Variants in N4BP2L2 observed in about 807,000 individuals in gnomAD.
The protein encoded by N4BP2L2 is NEDD4-binding protein 2-like 2.
N4BP2L2 carries 50 observed loss-of-function variants against 56.2 expected under a neutral mutation model. The observed-to-expected ratio is 0.89, with a 90% CI of 0.71 to 1.13. N4BP2L2 has a LOEUF of 1.13. Ranked by LOEUF, N4BP2L2 falls within the 50% of genes most tolerant of loss-of-function variation. The probability of loss-of-function intolerance (pLI) is 0.00; values close to 1 mark genes in which losing one functional copy is unlikely to be tolerated. For synonymous variants in N4BP2L2, 203 were observed against 223.6 expected (o/e 0.91, Z 0.82); for missense variants, 689 against 693.8 (o/e 0.99, Z 0.08).
At chr13:32,436,670 G>T (rs968242510) in intron 8 of N4BP2L2, among the ~76,000 whole-genome samples, 4 of 150,896 alleles carry the variant, frequency 2.7e-5, no homozygotes, top group Admixed American at 6.6e-5. Flanking sequence ...CATGCCTGTA[G>T]TCCCAGCTAC....
At chr13:32,458,031 T>C (rs1354447744) in intron 6 of N4BP2L2, among the ~76,000 whole-genome samples, 1 of 152,056 alleles carries the variant, frequency 6.6e-6, no homozygotes, top group Non-Finnish European at 1.5e-5. Context: ...TGTATTGATT[T>C]GTTTTTTGTT....
rs76361429 is a variant in N4BP2L2 at position 32,472,633 on chromosome 13, C to T, written c.366-28507G>A. Among the ~76,000 whole-genome samples, 796 of 152,210 alleles carry T rather than the reference C, an allele frequency of 5.2e-3. 23 individuals carry two copies. The East Asian group carries it at 0.079, about 15-fold the overall frequency. On this transcript the variant is annotated intron_variant, in intron 6 of 9. Transcript: ENST00000357505. ...AGCTCGGCCTCAAATATGGCCTATT[C>T]AAAGTTTTGTATTCTGAAGATGAAG... is the stretch of plus-strand genomic sequence containing the variant.
intron 7 of N4BP2L2, among the ~76,000 whole-genome samples, chr13:32,439,984 C>G (rs2076058039): frequency 6.7e-6 from 1 of 150,034 alleles, no homozygotes; most frequent in Admixed American, 6.7e-5. Flanking sequence ...CAAGATCTCA[C>G]CACTGCACTC....
intron 6 of N4BP2L2, among the ~76,000 whole-genome samples, chr13:32,490,680 A>G (rs2086874567): frequency 6.7e-6 from 1 of 149,426 alleles, no homozygotes; most frequent in Non-Finnish European, 1.5e-5. Flanking sequence ...GGTTTCGGAG[A>G]TGAAACTGTT....
intron 6 of N4BP2L2, among the ~76,000 whole-genome samples, chr13:32,483,990 GAAA>G (rs11424749): frequency 8.4e-6 from 1 of 118,812 alleles, no homozygotes; most frequent in African/African-American, 2.9e-5. Flanking sequence ...ATCTAAAAAA[GAAA>G]AAAAAAAAAA....
intron 3 of N4BP2L2, chr13:32,527,073 T>C (rs9595749): frequency 1.0e-4 from 18 of 179,184 alleles, no homozygotes; most frequent in African/African-American, 4.0e-4. Flanking sequence ...ATAACAATGG[T>C]ACAGATTCAA....
At chr13:32,527,618 G>T (rs1191589533) in intron 2 of N4BP2L2, 86 bp from the exon 3 acceptor site, 2 of 1,439,810 alleles carry the variant, frequency 1.4e-6, no homozygotes, top group Non-Finnish European at 9.4e-7. Context: ...ATAACCAAGT[G>T]AAATAAATCA....
intron 6 of N4BP2L2, among the ~76,000 whole-genome samples, chr13:32,464,013 T>TAAC (rs139997642): frequency 3.3e-5 from 4 of 122,514 alleles, no homozygotes; most frequent in East Asian, 2.4e-4. Context: ...AAATAAAAAA[T>TAAC]AACAACAACA....
rs2053310036 is a variant in N4BP2L2, at chr13:32,527,316, T to C, written c.1384+92A>G. ...ATTTAAACGGCTTGCCTACAGTCAT[T>C]CAGCTGGTAAAAACCTAAGCTGAAA... On this transcript the variant is annotated intron_variant, in intron 3 of 5. Coordinates refer to ENST00000267068, the Ensembl canonical transcript of N4BP2L2. 4 of 1,392,998 alleles carry C rather than the reference T, an allele frequency of 2.9e-6. No individual in the cohort carries two copies. In the Admixed American group the frequency reaches 8.9e-5, roughly 31 times the overall value. The allele number at this position is 1,392,998 out of a possible 1,614,324, so 86.3% of individuals were successfully genotyped here.
At chr13:32,436,317 T>A in intron 9 of N4BP2L2, 1 of 908,050 alleles carries the variant, frequency 1.1e-6, no homozygotes, top group South Asian at 1.8e-5. Context: ...CAAGATTAAC[T>A]ATTTTATGAT....
At chr13:32,524,382 G>A (rs1187909146) in intron 3 of N4BP2L2, 3 of 152,182 alleles carry the variant, frequency 2.0e-5, no homozygotes, top group Admixed American at 2.0e-4. Flanking sequence ...CGAATGGGGA[G>A]ATTATCTTCT....
At chr13:32,532,049 C>A (rs566418150) in intron 2 of N4BP2L2, among the ~76,000 whole-genome samples, 1 of 152,194 alleles carries the variant, frequency 6.6e-6, no homozygotes, top group African/African-American at 2.4e-5. Context: ...TTATTAAGAA[C>A]CTTTGTGATC....
exon 7 of N4BP2L2, chr13:32,443,501 A>C (rs1040137990): frequency 6.2e-7 from 1 of 1,611,932 alleles, no homozygotes. Flanking sequence ...ACTTTATCTG[A>C]CATTCTGATT....
chr13:32,500,119 C>T (rs1209926182), intron 6 of N4BP2L2, among the ~76,000 whole-genome samples: 1 of 151,982 alleles, frequency 6.6e-6, no homozygotes, highest in Non-Finnish European at 1.5e-5. Context: ...ATGATGCCCA[C>T]CTGAGCTTCA....
chr13:32,436,454 G>T, intron 8 of N4BP2L2: 1 of 899,394 alleles, frequency 1.1e-6, no homozygotes, highest in Non-Finnish European at 1.7e-6. Context: ...TGGCATTGGA[G>T]TTAAGTTTGC....
intron 6 of N4BP2L2, among the ~76,000 whole-genome samples, chr13:32,461,695 T>G (rs1081797): frequency 0.21 from 31,911 of 152,152 alleles, 3,630 homozygotes; most frequent in South Asian, 0.39. Context: ...CTTGAACTCC[T>G]GGGCTCAAGT....
chr13:32,503,172 CAAAAAAAAAAAAAA>C lies in N4BP2L2; in HGVS notation c.365+14671_365+14684del, dbSNP rs35773755. ...TAGGTGACAGAGCAAGACTCTGTAGCAAAAAAAAAAAAAAAAAAAAAAAAATTATATTGCACTAA... is the reference window on the plus strand; with the variant it reads ...TAGGTGACAGAGCAAGACTCTGTAGCAAAAAAAAAAATTATATTGCACTAA... On this transcript the variant is annotated intron_variant, in intron 6 of 9. Coordinates refer to the N4BP2L2 transcript ENST00000357505. Among the ~76,000 whole-genome samples, 2 of 57,996 alleles carry C rather than the reference CAAAAAAAAAAAAAA, an allele frequency of 3.4e-5. 1 individual carries two copies. The highest frequency in any genetic ancestry group is 1.8e-3 in the South Asian group (2 of 1,094). 38.0% of individuals were successfully genotyped at this position (57,996 alleles called of 152,430 possible). A position where few individuals can be genotyped will look rare whatever the true frequency, so the allele number is the denominator to read the frequency against.
intron 6 of N4BP2L2, among the ~76,000 whole-genome samples, chr13:32,467,557 C>T (rs1262129823): frequency 2.0e-5 from 3 of 150,800 alleles, no homozygotes; most frequent in African/African-American, 4.9e-5. Flanking sequence ...GGATTACAGG[C>T]GTGAGCCATC....
chr13:32,516,901 A>G (rs1265510728), exon 6 of N4BP2L2: 17 of 984,804 alleles, frequency 1.7e-5, no homozygotes, highest in Non-Finnish European at 2.0e-5. Context: ...AATGAATTCC[A>G]TCTCAGTTTT....
Sources: gnomAD v4.1 joint callset for allele counts (sites outside exome capture counted in the v4.1 genomes callset) on GRCh38, gnomAD v4.1.1 for gene constraint, MANE v1.5 for transcripts, NCBI Gene and HGNC (gene_info 2026-07-23, HGNC 2026-07-21) for gene names.